Variants in VAV2 observed in about 807,000 individuals in gnomAD.
VAV2 encodes the protein vav guanine nucleotide exchange factor 2.
VAV2 carries 67 observed loss-of-function variants against 132.5 expected under a neutral mutation model. The ratio of observed to expected loss-of-function variants is 0.51; its 90% CI spans 0.42 to 0.62. The LOEUF (loss-of-function observed/expected upper bound fraction) is 0.62, where lower values mean the gene tolerates loss of function less well. Ranked by LOEUF, VAV2 falls within the 20% of genes least tolerant of loss-of-function variation. The probability of loss-of-function intolerance (pLI) is 0.00; values close to 1 mark genes in which losing one functional copy is unlikely to be tolerated. For missense variants in VAV2, 938 were observed against 1,153.6 expected, an observed-to-expected ratio of 0.81 and a Z score of 2.71; for synonymous variants, 492 against 443.5, an observed-to-expected ratio of 1.11 and a Z score of -1.37.
At position 133,806,199 on chromosome 9, in the gene VAV2, C is replaced by T. The variant is rs771464836; in HGVS notation, c.736-18G>A. 6 of 1,606,370 alleles carry T rather than the reference C, an allele frequency of 3.7e-6. No individual in the cohort carries two copies. The highest frequency in any genetic ancestry group is 2.2e-5 in the South Asian group (2 of 89,892). ...ATCAGGTCCTGGGTTGAAAACCAGC[C>T]GTGAGTGCCTGGCCAGGCCCACCCA... On this transcript the variant is annotated intron_variant, in intron 8 of 29. Coordinates refer to ENST00000371850, the MANE Select transcript of VAV2 (RefSeq NM_001134398.2).
At chr9:133,789,040 C>A (rs1834346301) in intron 14 of VAV2, among the ~76,000 whole-genome samples, 1 of 152,264 alleles carries the variant, frequency 6.6e-6, no homozygotes. Context: ...CCCAGCCCAG[C>A]CTGGTGCCCG....
At chr9:133,942,658 C>T (rs994078185) in intron 1 of VAV2, among the ~76,000 whole-genome samples, 2 of 152,254 alleles carry the variant, frequency 1.3e-5, no homozygotes, top group Non-Finnish European at 2.9e-5. Context: ...AGATCCCAAC[C>T]ATAATCACAG....
intron 8 of VAV2, among the ~76,000 whole-genome samples, chr9:133,806,394 G>C (rs1835145097): frequency 6.6e-6 from 1 of 152,170 alleles, no homozygotes; most frequent in Non-Finnish European, 1.5e-5. Context: ...AGTACGTGTG[G>C]GAGGGAAGCC....
At position 133,969,696 on chromosome 9, in the gene VAV2, C is replaced by A. The variant is rs566685437; in HGVS notation, c.204+22379G>T. Among the ~76,000 whole-genome samples, 5 of 152,238 alleles carry A rather than the reference C, an allele frequency of 3.3e-5. No homozygotes were observed. In the East Asian group the frequency reaches 9.7e-4, roughly 29 times the overall value. On this transcript the variant is annotated intron_variant, in intron 1 of 29. Transcript: ENST00000371850. The surrounding 1 kb of genome is among the most constrained non-coding windows in gnomAD (Gnocchi z 5.1). ...GACCCCAGAGCACCCTCTTCATCAC[C>A]CAAGTCCAATCCACCCCAAGCCCAC...
chr9:133,791,975 C>A, intron 12 of VAV2, 106 bp from the exon 13 acceptor site: 1 of 215,588 alleles, frequency 4.6e-6, no homozygotes, highest in Non-Finnish European at 7.1e-6. Context: ...TGTGAGCGGG[C>A]TGTGCTGGGT....
chr9:133,778,771 C>G lies in VAV2; in HGVS notation c.1881G>C (p.Pro627=), dbSNP rs548370110. The G allele has an allele frequency of 6.2e-7, 1 of 1,612,594 alleles. No homozygotes were observed. Among genetic ancestry groups the G allele is most frequent in the African/African-American group, 1.3e-5 (1 of 74,936 alleles). ...GGGCCCCAGGACCCACCTCCCACCA[C>G]GGAGACTCAGGGTCGCCCCTCAGCA... ...LELLRGDPES[P]WWEGRLVQTR... Residue 627 remains proline, a synonymous_variant, in exon 22 of 30, where the codon CCG becomes CCC. Coordinates refer to ENST00000371850, the MANE Select transcript of VAV2 (RefSeq NM_001134398.2).
At chr9:133,986,753 C>G (rs1842867210) in intron 1 of VAV2, among the ~76,000 whole-genome samples, 1 of 152,168 alleles carries the variant, frequency 6.6e-6, no homozygotes, top group Non-Finnish European at 1.5e-5. Flanking sequence ...AACCAGCATT[C>G]CCTCCTCTGC....
At chr9:133,831,060 TG>T (rs1398749334) in intron 4 of VAV2, among the ~76,000 whole-genome samples, 1 of 152,176 alleles carries the variant, frequency 6.6e-6, no homozygotes, top group Non-Finnish European at 1.5e-5. Context: ...TCCCCAGAGC[TG>T]CTTTTCTGGG....
intron 2 of VAV2, among the ~76,000 whole-genome samples, chr9:133,871,609 G>A (rs76635579): frequency 0.038 from 5,776 of 152,072 alleles, 347 homozygotes; most frequent in African/African-American, 0.13. Flanking sequence ...AGCCCCTGAC[G>A]GCAGCCTCAT....
chr9:133,831,987 G>A (rs559054525), intron 4 of VAV2, among the ~76,000 whole-genome samples: 3 of 152,314 alleles, frequency 2.0e-5, no homozygotes, highest in South Asian at 4.1e-4. Flanking sequence ...GGGATTTGAG[G>A]GAATGAAGCC....
At chr9:133,805,929 T>A (rs557109098) in intron 9 of VAV2, 152 bp downstream of exon 9, 1 of 795,254 alleles carries the variant, frequency 1.3e-6, no homozygotes, top group East Asian at 2.7e-5. Flanking sequence ...TCGGGGTGGG[T>A]GGCATCCTCA....
chr9:133,922,002 C>T (rs935752205), intron 2 of VAV2, among the ~76,000 whole-genome samples: 3 of 152,378 alleles, frequency 2.0e-5, no homozygotes, highest in South Asian at 4.1e-4. Flanking sequence ...TAATGGCGCA[C>T]GCACAGGTGT....
At chr9:133,841,264 A>T (rs1023673554) in intron 3 of VAV2, among the ~76,000 whole-genome samples, 1 of 151,600 alleles carries the variant, frequency 6.6e-6, no homozygotes, top group Admixed American at 6.6e-5. Context: ...CTACAGGGAG[A>T]GAAGGCTGGG....
At chr9:133,866,312 G>A (rs547950327) in intron 2 of VAV2, among the ~76,000 whole-genome samples, 1 of 152,186 alleles carries the variant, frequency 6.6e-6, no homozygotes, top group Non-Finnish European at 1.5e-5. Flanking sequence ...CTACGTGTTG[G>A]GGGGAGGGGA....
At chr9:133,948,899 A>G (rs978685450) in intron 1 of VAV2, among the ~76,000 whole-genome samples, 2 of 152,226 alleles carry the variant, frequency 1.3e-5, no homozygotes, top group Non-Finnish European at 2.9e-5. Flanking sequence ...ACCCAGGTCT[A>G]ATCCAGGTGG....
chr9:133,817,895 T>C (rs1835624661), intron 4 of VAV2, among the ~76,000 whole-genome samples: 1 of 152,170 alleles, frequency 6.6e-6, no homozygotes, highest in Admixed American at 6.5e-5. Flanking sequence ...ATTTTGTATG[T>C]GAATTTGACT....
intron 5 of VAV2, among the ~76,000 whole-genome samples, chr9:133,810,478 C>T (rs959207496): frequency 3.9e-5 from 6 of 152,240 alleles, no homozygotes; most frequent in Non-Finnish European, 8.8e-5. Context: ...TTACCTTCCA[C>T]TGGGGCTGTT....
chr9:133,809,666 G>A (rs1374835237), intron 6 of VAV2, among the ~76,000 whole-genome samples: 3 of 152,234 alleles, frequency 2.0e-5, no homozygotes, highest in Non-Finnish European at 4.4e-5. Context: ...GGGGGCCTGA[G>A]ATGACCCCCC....
At chr9:133,865,494 T>C (rs1837762527) in intron 2 of VAV2, among the ~76,000 whole-genome samples, 1 of 152,232 alleles carries the variant, frequency 6.6e-6, no homozygotes, top group African/African-American at 2.4e-5. Context: ...TAGACTACTG[T>C]TTAAGACACA....
Sources: gnomAD v4.1 joint callset for allele counts (sites outside exome capture counted in the v4.1 genomes callset) on GRCh38, gnomAD v4.1.1 for gene constraint, Gnocchi (gnomAD v3.1) non-coding constraint, MANE v1.5 for transcripts, NCBI Gene and HGNC (gene_info 2026-07-23, HGNC 2026-07-21) for gene names.